CCDC85C: variants seen among roughly 807,000 people sequenced by gnomAD.
The protein encoded by CCDC85C is coiled-coil domain-containing protein 85C.
In CCDC85C, 18 loss-of-function variants were observed where a neutral mutation model predicts 38.3. The observed-to-expected ratio is 0.47, with a 90% confidence interval of 0.33 to 0.70. The LOEUF (loss-of-function observed/expected upper bound fraction) is 0.70. Among genes scored for constraint, CCDC85C ranks in the 30% least tolerant of loss-of-function variants. The pLI, the probability that CCDC85C is intolerant of heterozygous loss-of-function variation, is 0.03. For synonymous variants in CCDC85C, 264 were observed against 293.8 expected (o/e 0.90, Z 1.04); for missense variants, 566 against 621.2 (o/e 0.91, Z 0.94).
chr14:99,516,124 T>C lies in CCDC85C; in HGVS notation c.1170+64A>G. On this transcript the variant is annotated intron_variant, in intron 5 of 5. Transcript: ENST00000380243. The surrounding 1 kb of genome is among the most constrained non-coding windows in gnomAD (Gnocchi z 5.5). ...TCCCACATGGGGAAGGGTATGGCCA[T>C]GCTGGGTGGCCCTGGTCGCACTCCC... 1 of 1,254,350 alleles carries C rather than the reference T, an allele frequency of 8.0e-7. No homozygotes were observed. Among genetic ancestry groups the C allele is most frequent in the Non-Finnish European group, 1.1e-6 (1 of 878,466 alleles). 77.7% of individuals were successfully genotyped at this position (1,254,350 alleles called of 1,614,324 possible).
Position 99,516,511 on chromosome 14 carries a change from G to C in CCDC85C, c.1072-225C>G, listed in dbSNP as rs1044952064. On this transcript the variant is annotated intron_variant, in intron 4 of 5. Coordinates refer to ENST00000380243, the MANE Select transcript of CCDC85C (RefSeq NM_001144995.2). The surrounding 1 kb of genome is among the most constrained non-coding windows in gnomAD (Gnocchi z 5.5). ...GAAGCAGCTCATGGCTGGGCCACCC[G>C]GGAGGAAGTAGACAGGCTGGGCAAG... Among the ~76,000 whole-genome samples the C allele has an allele frequency of 5.3e-5, 8 of 152,274 alleles. No individual in the cohort carries two copies. Among genetic ancestry groups the C allele is most frequent in the Admixed American group, 3.3e-4 (5 of 15,302 alleles).
In CCDC85C at chr14:99,501,488, C is replaced by T. The variant is rs1229287292; in HGVS notation, c.*13758G>A. 4.4e-5 allele frequency: 45 copies of T among 1,019,904 alleles called. No individual in the cohort carries two copies. The highest frequency in any genetic ancestry group is 6.7e-5 in the Non-Finnish European group (44 of 657,256). The allele number at this position is 1,019,904 out of a possible 1,614,324, so 63.2% of individuals were successfully genotyped here. A position where few individuals can be genotyped will look rare whatever the true frequency, so the allele number is the denominator to read the frequency against. ...GACTTTATGGACCATTTCATCTAAACCCCTCATTTTGTGTCAGAAGAAACT... is the reference window on the plus strand; with the variant it reads ...GACTTTATGGACCATTTCATCTAAATCCCTCATTTTGTGTCAGAAGAAACT... On this transcript the variant is annotated 3_prime_UTR_variant, in exon 6 of 6. Transcript: ENST00000380243.
intron 1 of CCDC85C, among the ~76,000 whole-genome samples, chr14:99,583,807 TAAA>T (rs34283477): frequency 0.075 from 8,579 of 115,032 alleles, 412 homozygotes; most frequent in South Asian, 0.17. Context: ...GGCTCTGTCT[TAAA>T]AAAAAAAAAA....
chr14:99,577,584 C>T (rs1340720350), intron 1 of CCDC85C, among the ~76,000 whole-genome samples: 1 of 152,046 alleles, frequency 6.6e-6, no homozygotes, highest in African/African-American at 2.4e-5. Flanking sequence ...TGGGAAGGTG[C>T]AGGATGGGGT....
At chr14:99,527,881 G>T (rs959359420) in intron 2 of CCDC85C, among the ~76,000 whole-genome samples, 5 of 152,198 alleles carry the variant, frequency 3.3e-5, no homozygotes, top group South Asian at 4.1e-4. Flanking sequence ...CAGCCCTGCC[G>T]CCCTGCAGAG....
chr14:99,589,897 C>T (rs956904333), intron 1 of CCDC85C, among the ~76,000 whole-genome samples: 2 of 152,266 alleles, frequency 1.3e-5, no homozygotes, highest in African/African-American at 2.4e-5. Flanking sequence ...CCCTCCACCG[C>T]AGCCACGCCC....
intron 1 of CCDC85C, among the ~76,000 whole-genome samples, chr14:99,560,455 G>A (rs549317654): frequency 6.6e-6 from 1 of 152,352 alleles, no homozygotes; most frequent in East Asian, 1.9e-4. Flanking sequence ...AGGGGAGGCA[G>A]GAGAGCCATG....
chr14:99,563,692 G>A (rs145005010), intron 1 of CCDC85C, among the ~76,000 whole-genome samples: 1 of 152,322 alleles, frequency 6.6e-6, no homozygotes, highest in Non-Finnish European at 1.5e-5. Context: ...CTCACCAGCC[G>A]GCAGACATAA....
chr14:99,595,695 G>A (rs1413130246), intron 1 of CCDC85C, among the ~76,000 whole-genome samples: 1 of 152,192 alleles, frequency 6.6e-6, no homozygotes, highest in Non-Finnish European at 1.5e-5. Flanking sequence ...ACACCCACAG[G>A]GCAAGGGAAC....
chr14:99,553,797 CT>C (rs1897960092), intron 1 of CCDC85C, among the ~76,000 whole-genome samples: 1 of 152,254 alleles, frequency 6.6e-6, no homozygotes, highest in African/African-American at 2.4e-5. Context: ...GGCTGAGCCC[CT>C]GCGGCGGAGA....
chr14:99,510,474 C>T lies in CCDC85C; in HGVS notation c.*4772G>A. On this transcript the variant is annotated 3_prime_UTR_variant, in exon 6 of 6. Coordinates refer to ENST00000380243, the MANE Select transcript of CCDC85C (RefSeq NM_001144995.2). ...CCTGCCCTACCACCCCCATGTCTAC[C>T]CGCCCAACCCGCCCCCGCCACCTGT... The T allele has an allele frequency of 1.1e-6, 1 of 905,632 alleles. No homozygotes were observed. Among genetic ancestry groups the T allele is most frequent in the Non-Finnish European group, 1.5e-6 (1 of 649,830 alleles). The allele number at this position is 905,632 out of a possible 1,614,324, so 56.1% of individuals were successfully genotyped here.
intron 1 of CCDC85C, among the ~76,000 whole-genome samples, chr14:99,586,760 G>A (rs1044909502): frequency 2.6e-5 from 4 of 152,232 alleles, no homozygotes; most frequent in South Asian, 4.2e-4. Flanking sequence ...ATGTGTCGGC[G>A]GGGGACCCCC....
Position 99,515,020 on chromosome 14 carries a change from G to A in CCDC85C, c.*226C>T, listed in dbSNP as rs767737189. 4.7e-5 allele frequency: 23 copies of A among 489,878 alleles called. No homozygotes were observed. The highest frequency in any genetic ancestry group is 5.5e-4 in the Middle Eastern group (1 of 1,806). 30.3% of individuals were successfully genotyped at this position (489,878 alleles called of 1,614,324 possible). On this transcript the variant is annotated 3_prime_UTR_variant, in exon 6 of 6. Transcript: ENST00000380243. ...GGGCCGCTCTGCTGCAGGAACAGTC[G>A]CAGCGTCTCGTCTTCCCAGGTTGCT...
chr14:99,529,387 C>A (rs894423838), intron 2 of CCDC85C, among the ~76,000 whole-genome samples: 1 of 151,824 alleles, frequency 6.6e-6, no homozygotes, highest in African/African-American at 2.4e-5. Context: ...TGTTTTGTTT[C>A]TTTTGTTTTT....
At chr14:99,573,025 A>G (rs1274077511) in intron 1 of CCDC85C, 3 of 355,218 alleles carry the variant, frequency 8.4e-6, no homozygotes, top group Admixed American at 7.4e-5. Context: ...GCCACACATA[A>G]AGGCAGAGAA....
chr14:99,563,739 G>T (rs1898162962), intron 1 of CCDC85C, among the ~76,000 whole-genome samples: 1 of 152,224 alleles, frequency 6.6e-6, no homozygotes, highest in South Asian at 2.1e-4. Flanking sequence ...GCCTCCATGT[G>T]CCAGCATCCC....
rs1052818057 is a variant in CCDC85C, at chr14:99,520,316, C to T, written c.975+1817G>A. Among the ~76,000 whole-genome samples the T allele has an allele frequency of 2.6e-5, 4 of 152,306 alleles. No individual in the cohort carries two copies. The highest frequency in any genetic ancestry group is 7.2e-5 in the African/African-American group (3 of 41,574). On this transcript the variant is annotated intron_variant, in intron 3 of 5. Transcript: ENST00000380243. The surrounding 1 kb of genome is among the most constrained non-coding windows in gnomAD (Gnocchi z 4.1). ...CAGACATGGGCTCTCCAGGCCCCAGCAAGGGCCTCTGGCCCTGGCCCCTCC... is the reference window on the plus strand; with the variant it reads ...CAGACATGGGCTCTCCAGGCCCCAGTAAGGGCCTCTGGCCCTGGCCCCTCC...
intron 1 of CCDC85C, among the ~76,000 whole-genome samples, chr14:99,582,252 C>T (rs565452094): frequency 6.6e-6 from 1 of 152,224 alleles, no homozygotes; most frequent in South Asian, 2.1e-4. Context: ...GCACTTCTGA[C>T]GACGACCACC....
Position 99,535,997 on chromosome 14 carries a change from C to T in CCDC85C, c.867+18G>A. On this transcript the variant is annotated intron_variant, in intron 2 of 5. Coordinates refer to ENST00000380243, the MANE Select transcript of CCDC85C (RefSeq NM_001144995.2). This position sits in a 1 kb window ranked among gnomAD's most constrained non-coding sequence, Gnocchi z 5.5. ...TGGGTCGCGGTCCTCAAGGCAGCGC[C>T]ACCCGAAGCCGGCCTACCTGTGCGA... 1 of 1,548,804 alleles carries T rather than the reference C, an allele frequency of 6.5e-7. No individual in the cohort carries two copies.
Sources: gnomAD v4.1 joint callset for allele counts (sites outside exome capture counted in the v4.1 genomes callset) on GRCh38, gnomAD v4.1.1 for gene constraint, Gnocchi (gnomAD v3.1) non-coding constraint, MANE v1.5 for transcripts, NCBI Gene and HGNC (gene_info 2026-07-23, HGNC 2026-07-21) for gene names.